The following FANK1 variants were observed in gnomAD, a reference collection of about 807,000 sequenced individuals.
The protein encoded by FANK1 is fibronectin type III and ankyrin repeat domains 1, also known as fibronectin type 3 and ankyrin repeat domains protein 1.
Under a neutral mutation model 45.3 loss-of-function variants are expected in FANK1, and 44 were observed. The observed-to-expected ratio is 0.97, with a 90% CI of 0.76 to 1.25. The LOEUF (loss-of-function observed/expected upper bound fraction) is 1.25. FANK1 is among the 50% of genes most tolerant of loss of function. The pLI is 0.00. For missense variants in FANK1, 391 were observed against 424.4 expected (o/e 0.92, Z 0.69); for synonymous variants, 149 against 152.5 (o/e 0.98, Z 0.17).
rs192324774 is a variant in FANK1 at position 125,923,192 on chromosome 10, C to G, written c.13+26537C>G. ...ATTCATATCTCACCAAGTATGGTGGCTTATGCCTGTAATCCCAGCACTTTG... is the reference window on the plus strand; with the variant it reads ...ATTCATATCTCACCAAGTATGGTGGGTTATGCCTGTAATCCCAGCACTTTG... On this transcript the variant is annotated intron_variant, in intron 1 of 10. Coordinates refer to ENST00000368693, the MANE Select transcript of FANK1 (RefSeq NM_145235.5). Among the ~76,000 whole-genome samples the G allele has an allele frequency of 1.0e-3, 153 of 151,306 alleles. 1 individual carries two copies. The highest frequency in any genetic ancestry group is 3.2e-3 in the African/African-American group (132 of 41,228).
chr10:125,900,490 A>G (rs528914778), intron 1 of FANK1, among the ~76,000 whole-genome samples: 2 of 152,064 alleles, frequency 1.3e-5, no homozygotes, highest in South Asian at 4.2e-4. Context: ...CTGAGTAAAA[A>G]CTGTATATTT....
At chr10:125,899,400 A>G (rs1944855442) in intron 1 of FANK1, among the ~76,000 whole-genome samples, 1 of 152,096 alleles carries the variant, frequency 6.6e-6, no homozygotes, top group Non-Finnish European at 1.5e-5. Context: ...GAATAGAGCT[A>G]AAGTCTGATT....
intron 2 of FANK1, among the ~76,000 whole-genome samples, chr10:125,984,327 A>T (rs1951418002): frequency 6.6e-6 from 1 of 152,164 alleles, no homozygotes; most frequent in African/African-American, 2.4e-5. Context: ...TTCTGCCCAG[A>T]ATGACATACT....
At chr10:125,969,506 C>T (rs770072097) in intron 1 of FANK1, among the ~76,000 whole-genome samples, 3 of 151,984 alleles carry the variant, frequency 2.0e-5, no homozygotes, top group East Asian at 3.9e-4. Context: ...TTGAATAGAG[C>T]ATCTATAAAA....
chr10:125,994,650 G>A (rs1284536918), intron 3 of FANK1: 1 of 985,292 alleles, frequency 1.0e-6, no homozygotes, highest in Non-Finnish European at 1.2e-6. Context: ...AAATCAGAAG[G>A]TGTAGAATAA....
chr10:125,987,416 A>T (rs113704403), intron 2 of FANK1, among the ~76,000 whole-genome samples: 2,534 of 152,118 alleles, frequency 0.017, 75 homozygotes, highest in African/African-American at 0.055. Flanking sequence ...AAAAAACAAA[A>T]GGAGGAAACA....
intron 1 of FANK1, among the ~76,000 whole-genome samples, chr10:125,927,167 G>A (rs1396854437): frequency 6.6e-5 from 10 of 152,138 alleles, no homozygotes; most frequent in African/African-American, 1.9e-4. Flanking sequence ...GAGTGCAGTG[G>A]CATGATCATG....
rs367942071 is a variant in FANK1 at position 125,967,061 on chromosome 10, A to G, written c.14-13100A>G. On this transcript the variant is annotated intron_variant, in intron 1 of 10. Transcript: ENST00000368693. ...TTTTAATGACTAAATATTCTTGTAT[A>G]TAAATAATGTACCAAAGTGTATCTA... Among the ~76,000 whole-genome samples, 3 of 152,348 alleles carry G rather than the reference A, an allele frequency of 2.0e-5. No individual in the cohort carries two copies. In the East Asian group the frequency reaches 5.8e-4, roughly 29 times the overall value.
At chr10:125,963,045 T>C (rs1950018073) in intron 1 of FANK1, among the ~76,000 whole-genome samples, 1 of 150,582 alleles carries the variant, frequency 6.6e-6, no homozygotes, top group East Asian at 2.0e-4. Context: ...AGTGCAGTGG[T>C]GTGTGAGCTC....
chr10:125,951,333 T>G (rs564014155), intron 1 of FANK1, among the ~76,000 whole-genome samples: 2 of 152,210 alleles, frequency 1.3e-5, no homozygotes, highest in Non-Finnish European at 2.9e-5. Context: ...TTATAATACC[T>G]GTTTAGGAAA....
At chr10:125,966,812 A>G (rs1404409342) in intron 1 of FANK1, among the ~76,000 whole-genome samples, 1 of 152,214 alleles carries the variant, frequency 6.6e-6, no homozygotes, top group Non-Finnish European at 1.5e-5. Context: ...TTTCCATAAG[A>G]ATAAGTAAAA....
At chr10:125,932,406 A>T (rs1348958883) in intron 1 of FANK1, among the ~76,000 whole-genome samples, 1 of 151,972 alleles carries the variant, frequency 6.6e-6, no homozygotes, top group Non-Finnish European at 1.5e-5. Context: ...TTACTTGTAG[A>T]GGTATTTTGC....
chr10:125,970,291 C>A (rs906238153), intron 1 of FANK1, among the ~76,000 whole-genome samples: 12 of 151,030 alleles, frequency 7.9e-5, no homozygotes, highest in South Asian at 2.1e-4. Flanking sequence ...GCGGGGGCGC[C>A]CCCTGCCTCC....
intron 1 of FANK1, among the ~76,000 whole-genome samples, chr10:125,912,764 A>G (rs1946130157): frequency 6.6e-6 from 1 of 152,082 alleles, no homozygotes; most frequent in South Asian, 2.1e-4. Flanking sequence ...CAGCCTCCCG[A>G]GTAGCTGGGA....
chr10:125,903,352 G>A (rs1945206407), intron 1 of FANK1, among the ~76,000 whole-genome samples: 1 of 152,226 alleles, frequency 6.6e-6, no homozygotes, highest in African/African-American at 2.4e-5. Flanking sequence ...CAGGGCTGGG[G>A]GCGTTCTTGG....
rs759594257 is a variant in FANK1, at chr10:126,004,835, T to A, written c.540-49T>A. ...AGGTAGGGTAAAAGGTGGAGCTGAG[T>A]TTGGTGACTGTGCTTATTGTCAAAT... On this transcript the variant is annotated intron_variant, in intron 6 of 10. Coordinates refer to ENST00000368693, the MANE Select transcript of FANK1 (RefSeq NM_145235.5). The A allele has an allele frequency of 1.9e-6, 3 of 1,598,246 alleles. No individual in the cohort carries two copies. The Admixed American group carries it at 5.0e-5, about 27-fold the overall frequency.
intron 1 of FANK1, among the ~76,000 whole-genome samples, chr10:125,941,912 T>C (rs1948475269): frequency 6.6e-6 from 1 of 152,186 alleles, no homozygotes; most frequent in Non-Finnish European, 1.5e-5. Flanking sequence ...TATGCAAAAC[T>C]GGTGGTGGTG....
rs540127252 is a variant in FANK1, at chr10:125,911,312, A to G, written c.13+14657A>G. Reference sequence around the variant, plus strand: ...GTCAGCAGAAGGAAGAGGCATGGAAACGGACTCTCCCCTAGAGCCTCCAGA... The same window carrying G: ...GTCAGCAGAAGGAAGAGGCATGGAAGCGGACTCTCCCCTAGAGCCTCCAGA... On this transcript the variant is annotated intron_variant, in intron 1 of 10. Transcript: ENST00000368693. Among the ~76,000 whole-genome samples, 1,083 of 152,294 alleles carry G rather than the reference A, an allele frequency of 7.1e-3. 11 individuals are homozygous for G. The highest frequency in any genetic ancestry group is 0.025 in the African/African-American group (1,020 of 41,554).
intron 1 of FANK1, among the ~76,000 whole-genome samples, chr10:125,912,031 C>T (rs1366336761): frequency 6.6e-6 from 1 of 152,172 alleles, no homozygotes; most frequent in African/African-American, 2.4e-5. Context: ...ACTAAAATAT[C>T]CTAATCACAA....
Sources: allele counts gnomAD v4.1 joint callset (sites outside exome capture counted in the v4.1 genomes callset), GRCh38; gene constraint gnomAD v4.1.1; transcripts MANE v1.5; gene names NCBI Gene and HGNC (gene_info 2026-07-23, HGNC 2026-07-21).